Variants in TRPC4 observed in about 807,000 individuals in gnomAD.
The protein encoded by TRPC4 is transient receptor potential cation channel subfamily C member 4.
TRPC4 carries 49 observed loss-of-function variants against 99.4 expected under a neutral mutation model. That is an observed-to-expected ratio of 0.49 (90% CI 0.39 to 0.63). The LOEUF is 0.63. TRPC4 is among the 20% of genes least tolerant of loss of function. The probability of loss-of-function intolerance (pLI) is 0.00; values close to 1 mark genes in which losing one functional copy is unlikely to be tolerated. For missense variants in TRPC4, 898 were observed against 1,152.9 expected (o/e 0.78, Z 3.20); for synonymous variants, 454 against 425.9 (o/e 1.07, Z -0.81).
At chr13:37,672,336 C>G (rs1338087762) in intron 5 of TRPC4, among the ~76,000 whole-genome samples, 19 of 152,118 alleles carry the variant, frequency 1.2e-4, no homozygotes, top group Admixed American at 1.2e-3. Context: ...CTTTGGGACC[C>G]AATCTCACAG....
At chr13:37,761,050 T>A (rs955391964) in intron 2 of TRPC4, among the ~76,000 whole-genome samples, 1 of 151,882 alleles carries the variant, frequency 6.6e-6, no homozygotes, top group South Asian at 2.1e-4. Context: ...AATGACAGAT[T>A]TATCTTAGAA....
At chr13:37,651,536 A>T in intron 7 of TRPC4, 77 bp from the exon 8 acceptor site, 1 of 1,343,584 alleles carries the variant, frequency 7.4e-7, no homozygotes, top group Non-Finnish European at 1.1e-6. Flanking sequence ...AGATCCTGTA[A>T]CCTGACTTCA....
intron 2 of TRPC4, among the ~76,000 whole-genome samples, chr13:37,749,920 G>T (rs1955885637): frequency 6.6e-6 from 1 of 152,024 alleles, no homozygotes; most frequent in South Asian, 2.1e-4. Flanking sequence ...ATCTGAACAT[G>T]CTTAGGTAAC....
intron 3 of TRPC4, among the ~76,000 whole-genome samples, chr13:37,718,144 C>T (rs1037801213): frequency 1.3e-5 from 2 of 151,800 alleles, no homozygotes; most frequent in African/African-American, 2.4e-5. Context: ...AAGAGGGAGT[C>T]AGAAAAAAGA....
chr13:37,839,753 G>T (rs1309527811), intron 1 of TRPC4, among the ~76,000 whole-genome samples: 2 of 152,106 alleles, frequency 1.3e-5, no homozygotes, highest in Admixed American at 1.3e-4. Flanking sequence ...AATCTATGTA[G>T]CATCAAATCT....
chr13:37,708,226 G>T (rs1313746535), intron 3 of TRPC4, among the ~76,000 whole-genome samples: 1 of 152,080 alleles, frequency 6.6e-6, no homozygotes, highest in African/African-American at 2.4e-5. Flanking sequence ...GCTATAAGGA[G>T]ATTTAAAAAT....
At chr13:37,802,424 C>T (rs1341998834) in intron 1 of TRPC4, among the ~76,000 whole-genome samples, 4 of 152,142 alleles carry the variant, frequency 2.6e-5, no homozygotes, top group South Asian at 2.1e-4. Context: ...TCTTTGATGA[C>T]CTTGGTACTT....
chr13:37,774,768 G>A (rs555397448), intron 2 of TRPC4, among the ~76,000 whole-genome samples: 1 of 151,740 alleles, frequency 6.6e-6, no homozygotes, highest in African/African-American at 2.4e-5. Context: ...ATAACAAAAT[G>A]ATACTCATTT....
chr13:37,763,166 A>G (rs761286294), intron 2 of TRPC4, among the ~76,000 whole-genome samples: 5 of 151,684 alleles, frequency 3.3e-5, no homozygotes, highest in Non-Finnish European at 5.9e-5. Context: ...TTTAAATAAA[A>G]TGTTGTTTGT....
intron 1 of TRPC4, among the ~76,000 whole-genome samples, chr13:37,784,004 T>C (rs748263731): frequency 6.6e-4 from 100 of 152,168 alleles, no homozygotes; most frequent in Middle Eastern, 3.4e-3. Flanking sequence ...CACTGTGCCC[T>C]GCCCTCTATA....
At chr13:37,734,090 C>T (rs1955323223) in intron 3 of TRPC4, among the ~76,000 whole-genome samples, 1 of 152,104 alleles carries the variant, frequency 6.6e-6, no homozygotes, top group African/African-American at 2.4e-5. Flanking sequence ...GAATGTGCCT[C>T]CATGTTCCAT....
chr13:37,642,486 A>G (rs761952234), intron 8 of TRPC4, among the ~76,000 whole-genome samples: 106 of 152,214 alleles, frequency 7.0e-4, no homozygotes, highest in Middle Eastern at 3.4e-3. Flanking sequence ...TGGGAGTTCC[A>G]TCTTTGCCTT....
chr13:37,786,626 G>C (rs1482557872), intron 1 of TRPC4, among the ~76,000 whole-genome samples: 2 of 152,180 alleles, frequency 1.3e-5, no homozygotes, highest in East Asian at 3.9e-4. Flanking sequence ...AGGAGACCCA[G>C]TATTGCAAAT....
At chr13:37,840,574 T>G (rs1377289346) in intron 1 of TRPC4, among the ~76,000 whole-genome samples, 1 of 152,014 alleles carries the variant, frequency 6.6e-6, no homozygotes, top group African/African-American at 2.4e-5. Context: ...GAAGTCAACA[T>G]TTTTATAGGC....
chr13:37,777,100 G>A (rs988317249), intron 2 of TRPC4, among the ~76,000 whole-genome samples: 4 of 151,870 alleles, frequency 2.6e-5, no homozygotes, highest in African/African-American at 9.7e-5. Flanking sequence ...TCTCCTATAT[G>A]CACTGAGGTG....
chr13:37,683,634 G>A (rs1265692258), intron 4 of TRPC4, among the ~76,000 whole-genome samples: 1 of 152,132 alleles, frequency 6.6e-6, no homozygotes, highest in Non-Finnish European at 1.5e-5. Flanking sequence ...GTAATAGCCA[G>A]AGAGGCAGGA....
At chr13:37,820,990 C>A (rs1467645471) in intron 1 of TRPC4, among the ~76,000 whole-genome samples, 1 of 152,006 alleles carries the variant, frequency 6.6e-6, no homozygotes, top group African/African-American at 2.4e-5. Context: ...AAGATAAAGT[C>A]AAACTATTTC....
chr13:37,841,783 G>A (rs1024470291), intron 1 of TRPC4, among the ~76,000 whole-genome samples: 3 of 152,022 alleles, frequency 2.0e-5, no homozygotes, highest in African/African-American at 7.2e-5. Context: ...TTCATGCATT[G>A]TTAGCAGGTA....
At chr13:37,790,815 A>G (rs1371784765) in intron 1 of TRPC4, among the ~76,000 whole-genome samples, 1 of 152,086 alleles carries the variant, frequency 6.6e-6, no homozygotes, top group Non-Finnish European at 1.5e-5. Flanking sequence ...TGCAAGTTCT[A>G]TTGAACTTAG....
Sources: allele counts gnomAD v4.1 joint callset (sites outside exome capture counted in the v4.1 genomes callset), GRCh38; gene constraint gnomAD v4.1.1; transcripts MANE v1.5; gene names NCBI Gene and HGNC (gene_info 2026-07-23, HGNC 2026-07-21).